The following BLTP1 variants were observed in gnomAD, a reference collection of about 807,000 sequenced individuals.
BLTP1 encodes bridge-like lipid transfer protein family member 1, also known as fragile site-associated protein.
chr4:122,295,951 A>G, the BLTP1 span, among the ~76,000 whole-genome samples: 1 of 152,148 alleles, frequency 6.6e-6, no homozygotes, highest in Non-Finnish European at 1.5e-5. Flanking sequence ...AATAAGATAT[A>G]TATGACAAAC....
At chr4:122,351,364 G>A in the BLTP1 span, 2 of 260,292 alleles carry the variant, frequency 7.7e-6, no homozygotes, top group African/African-American at 4.6e-5. Flanking sequence ...CTGTATATAT[G>A]CGTACATTTT....
At chr4:122,245,261 C>A in the BLTP1 span, 3 of 780,344 alleles carry the variant, frequency 3.8e-6, no homozygotes, top group Non-Finnish European at 6.2e-6. Context: ...GTTCTAAAAG[C>A]GTTTATATGT....
chr4:122,200,926 C>T, the BLTP1 span: 27 of 1,519,264 alleles, frequency 1.8e-5, no homozygotes, highest in African/African-American at 1.1e-4. Context: ...TACTCACTAG[C>T]GTGTGTAACT....
At chr4:122,303,371 G>A in the BLTP1 span, among the ~76,000 whole-genome samples, 1 of 152,128 alleles carries the variant, frequency 6.6e-6, no homozygotes, top group African/African-American at 2.4e-5. Flanking sequence ...AATGCACCTG[G>A]TCACCTAAGA....
At chr4:122,351,766 T>G in the BLTP1 span, among the ~76,000 whole-genome samples, 1 of 152,168 alleles carries the variant, frequency 6.6e-6, no homozygotes, top group Non-Finnish European at 1.5e-5. Flanking sequence ...AGGGATGTTC[T>G]GCAAAATGCC....
chr4:122,258,734 G>A, the BLTP1 span: 1 of 1,613,938 alleles, frequency 6.2e-7, no homozygotes, highest in Non-Finnish European at 8.5e-7. Flanking sequence ...CTATTAGAAG[G>A]AACAGCTAAC....
chr4:122,166,590 GT>G, the BLTP1 span, among the ~76,000 whole-genome samples: 1 of 152,148 alleles, frequency 6.6e-6, no homozygotes, highest in Non-Finnish European at 1.5e-5. Context: ...CTTTAAAGTA[GT>G]TTTTTCCAAT....
the BLTP1 span, among the ~76,000 whole-genome samples, chr4:122,275,541 A>G: frequency 1.3e-5 from 2 of 152,052 alleles, no homozygotes; most frequent in Non-Finnish European, 2.9e-5. Context: ...CATGAGTTTT[A>G]TTTACTCTAT....
At chr4:122,229,239 A>T in the BLTP1 span, 1 of 1,597,516 alleles carries the variant, frequency 6.3e-7, no homozygotes, top group Non-Finnish European at 8.5e-7. Context: ...ACAAATATAA[A>T]GGTAAGTGTT....
chr4:122,299,389 AT>A, the BLTP1 span, among the ~76,000 whole-genome samples: 1 of 152,214 alleles, frequency 6.6e-6, no homozygotes, highest in Non-Finnish European at 1.5e-5. Flanking sequence ...GGATAAAGTC[AT>A]TTAAGGAAAG....
At chr4:122,190,220 C>G in the BLTP1 span, 7 of 1,144,262 alleles carry the variant, frequency 6.1e-6, no homozygotes, top group Non-Finnish European at 8.3e-6. Context: ...CTTCAGCCTC[C>G]TGAGTTGCTA....
chr4:122,350,016 T>C, the BLTP1 span: 6 of 1,613,944 alleles, frequency 3.7e-6, no homozygotes, highest in Non-Finnish European at 5.1e-6. Flanking sequence ...GGGGACCAGT[T>C]CCTTACCTTC....
the BLTP1 span, chr4:122,229,366 AC>A: frequency 1.4e-6 from 1 of 698,812 alleles, no homozygotes; most frequent in Non-Finnish European, 2.2e-6. Flanking sequence ...TTAGGAGAAA[AC>A]TTTCTAATTT....
chr4:122,307,828 C>A, the BLTP1 span: 3 of 1,496,886 alleles, frequency 2.0e-6, no homozygotes, highest in Non-Finnish European at 2.7e-6. Context: ...TCTAATGCTA[C>A]AGTTTTCTGG....
the BLTP1 span, chr4:122,291,845 A>G: frequency 5.1e-6 from 5 of 979,232 alleles, no homozygotes; most frequent in East Asian, 5.7e-4. Context: ...TGTTTTGTGA[A>G]TGGTTGAGCT....
chr4:122,169,079 C>G, the BLTP1 span, among the ~76,000 whole-genome samples: 1 of 152,166 alleles, frequency 6.6e-6, no homozygotes, highest in Non-Finnish European at 1.5e-5. Flanking sequence ...CCCTGAGTAG[C>G]TAGGACTACA....
the BLTP1 span, chr4:122,333,817 C>T: frequency 1.9e-6 from 3 of 1,606,096 alleles, no homozygotes; most frequent in Non-Finnish European, 2.5e-6. Context: ...AAGGTAAAAA[C>T]CCAATTGCCT....
At chr4:122,285,808 A>C in the BLTP1 span, among the ~76,000 whole-genome samples, 1 of 152,170 alleles carries the variant, frequency 6.6e-6, no homozygotes, top group Non-Finnish European at 1.5e-5. Context: ...TACATGTGTA[A>C]AGGGCAATAA....
the BLTP1 span, chr4:122,334,307 T>A: frequency 7.0e-7 from 1 of 1,437,426 alleles, no homozygotes; most frequent in East Asian, 2.4e-5. Flanking sequence ...CTCATCTTCA[T>A]AATTTTAATT....
Sources: gnomAD v4.1 joint callset for allele counts (sites outside exome capture counted in the v4.1 genomes callset) on GRCh38, gnomAD v4.1.1 for gene constraint, MANE v1.5 for transcripts, NCBI Gene and HGNC (gene_info 2026-07-23, HGNC 2026-07-21) for gene names.